The following LMTK2 variants were observed in gnomAD, a reference collection of about 807,000 sequenced individuals.
LMTK2 encodes lemur tail kinase 2.
In LMTK2, 37 loss-of-function variants were observed where a neutral mutation model predicts 127.5. That is an observed-to-expected ratio of 0.29 (90% CI 0.22 to 0.38). The LOEUF is 0.38. LMTK2 is among the 10% of genes least tolerant of loss of function. The probability of loss-of-function intolerance (pLI) is 1.00; values close to 1 mark genes in which losing one functional copy is unlikely to be tolerated. For missense variants in LMTK2, 1,694 were observed against 1,920.3 expected (o/e 0.88, Z 2.20); for synonymous variants, 819 against 810.1 (o/e 1.01, Z -0.19).
At chr7:98,156,203 A>G (rs1796922535) in intron 5 of LMTK2, among the ~76,000 whole-genome samples, 1 of 152,226 alleles carries the variant, frequency 6.6e-6, no homozygotes, top group South Asian at 2.1e-4. Flanking sequence ...GCAGTGGCTC[A>G]CGCCTGTAAT....
At chr7:98,149,971 G>A (rs1796828466) in intron 3 of LMTK2, among the ~76,000 whole-genome samples, 1 of 152,104 alleles carries the variant, frequency 6.6e-6, no homozygotes, top group Non-Finnish European at 1.5e-5. Context: ...GCAAAGATTT[G>A]CATAGATATG....
At chr7:98,177,460 C>T (rs1797294391) in intron 7 of LMTK2, among the ~76,000 whole-genome samples, 1 of 152,156 alleles carries the variant, frequency 6.6e-6, no homozygotes, top group Admixed American at 6.5e-5. Flanking sequence ...CCAGTTCACT[C>T]AAAGAATTCC....
chr7:98,178,742 C>T (rs1260811177), intron 7 of LMTK2, among the ~76,000 whole-genome samples: 3 of 152,150 alleles, frequency 2.0e-5, no homozygotes, highest in African/African-American at 7.2e-5. Context: ...CAACTTTGGC[C>T]CAAATTGTAT....
At chr7:98,150,930 A>G (rs1376481421) in intron 3 of LMTK2, among the ~76,000 whole-genome samples, 7 of 152,210 alleles carry the variant, frequency 4.6e-5, no homozygotes, top group Admixed American at 4.6e-4. Flanking sequence ...TAATGGTTTC[A>G]CAGGTGCTTA....
chr7:98,110,004 G>A (rs1301962842), intron 1 of LMTK2, among the ~76,000 whole-genome samples: 1 of 152,134 alleles, frequency 6.6e-6, no homozygotes, highest in East Asian at 1.9e-4. Flanking sequence ...TAAAGCTTCT[G>A]GTAATCTAGG....
Position 98,165,860 on chromosome 7 carries a change from G to A in LMTK2, c.658-5681G>A, listed in dbSNP as rs564686860. Among the ~76,000 whole-genome samples the A allele has an allele frequency of 1.6e-4, 24 of 152,260 alleles. No individual in the cohort carries two copies. In the South Asian group the frequency reaches 3.3e-3, roughly 21 times the overall value. ...GACACAGAGTCACGGTGGAACAGGC[G>A]TGAGGAGAGCTGGGGGCACAGGTGG... On this transcript the variant is annotated intron_variant, in intron 6 of 13. Transcript: ENST00000297293.
At chr7:98,185,767 G>A (rs1797423948) in intron 8 of LMTK2, among the ~76,000 whole-genome samples, 1 of 148,112 alleles carries the variant, frequency 6.8e-6, no homozygotes, top group South Asian at 2.1e-4. Flanking sequence ...TTGCTATATT[G>A]CCCAGGCTGT....
chr7:98,204,638 A>C (rs2116487063), intron 13 of LMTK2, among the ~76,000 whole-genome samples: 1 of 152,234 alleles, frequency 6.6e-6, no homozygotes, highest in South Asian at 2.1e-4. Flanking sequence ...AAAATAAATA[A>C]ATAAAACTGC....
chr7:98,140,059 A>C lies in LMTK2; in HGVS notation c.232-1338A>C, dbSNP rs540889526. Reference sequence around the variant, plus strand: ...TTGCGATAGCTTCCCACCGAACGTCACGTAAAAGGTTTCCACAACTTTCTT... The same window carrying C: ...TTGCGATAGCTTCCCACCGAACGTCCCGTAAAAGGTTTCCACAACTTTCTT... On this transcript the variant is annotated intron_variant, in intron 2 of 13. Transcript: ENST00000297293. Among the ~76,000 whole-genome samples, 2 of 151,818 alleles carry C rather than the reference A, an allele frequency of 1.3e-5. 1 individual carries two copies.
At chr7:98,108,876 T>G (rs1796157032) in intron 1 of LMTK2, among the ~76,000 whole-genome samples, 1 of 149,696 alleles carries the variant, frequency 6.7e-6, no homozygotes, top group African/African-American at 2.5e-5. Flanking sequence ...TTTTTTTTTT[T>G]TGAGACGGAG....
Position 98,147,527 on chromosome 7 carries a change from G to A in LMTK2, c.377-3855G>A, listed in dbSNP as rs111984142. Among the ~76,000 whole-genome samples the A allele has an allele frequency of 5.2e-3, 797 of 152,274 alleles. 4 individuals carry two copies. The highest frequency in any genetic ancestry group is 7.7e-3 in the Non-Finnish European group (523 of 67,994). Reference sequence around the variant, plus strand: ...GGCATGAGCCACTGTGCCTGGGCAAGTTTATCTTACTTGGAGTTTTTTGAG... The same window carrying A: ...GGCATGAGCCACTGTGCCTGGGCAAATTTATCTTACTTGGAGTTTTTTGAG... On this transcript the variant is annotated intron_variant, in intron 3 of 13. Transcript: ENST00000297293.
chr7:98,205,031 TAGGG>T (rs1797768494), intron 13 of LMTK2, among the ~76,000 whole-genome samples: 1 of 152,170 alleles, frequency 6.6e-6, no homozygotes, highest in Non-Finnish European at 1.5e-5. Flanking sequence ...TATCTGAACA[TAGGG>T]AGCCTTCTTT....
At chr7:98,156,466 A>C (rs80092882) in intron 5 of LMTK2, among the ~76,000 whole-genome samples, 1 of 145,246 alleles carries the variant, frequency 6.9e-6, no homozygotes, top group Admixed American at 6.9e-5. Context: ...CTCCGTCTCC[A>C]AAAAAAAAAA....
chr7:98,140,114 CTTT>C (rs1796657100), intron 2 of LMTK2, among the ~76,000 whole-genome samples: 2 of 7,502 alleles, frequency 2.7e-4, no homozygotes, highest in Non-Finnish European at 4.8e-4. Context: ...TTCTTTCTTT[CTTT>C]CTTTCTTTCT....
At chr7:98,187,104 C>A (rs1044032900) in intron 9 of LMTK2, 106 bp downstream of exon 9, 2 of 1,010,050 alleles carry the variant, frequency 2.0e-6, no homozygotes, top group African/African-American at 3.2e-5. Flanking sequence ...GATGTAGGAA[C>A]AAAAGAGTAT....
intron 1 of LMTK2, among the ~76,000 whole-genome samples, chr7:98,110,924 G>C (rs948483628): frequency 2.6e-5 from 4 of 152,194 alleles, no homozygotes; most frequent in Non-Finnish European, 5.9e-5. Flanking sequence ...TTTTGAAAAA[G>C]ATTTCTAAAG....
intron 1 of LMTK2, among the ~76,000 whole-genome samples, chr7:98,109,157 C>T (rs1465199341): frequency 1.3e-5 from 2 of 152,092 alleles, no homozygotes; most frequent in Non-Finnish European, 2.9e-5. Flanking sequence ...CCGCGCCTGG[C>T]CACCTGTACA....
intron 6 of LMTK2, among the ~76,000 whole-genome samples, chr7:98,169,340 C>T (rs181814737): frequency 6.6e-6 from 1 of 152,292 alleles, no homozygotes; most frequent in Admixed American, 6.5e-5. Flanking sequence ...GGGAAGTGGG[C>T]TATTATGGAG....
intron 7 of LMTK2, among the ~76,000 whole-genome samples, chr7:98,179,399 T>A (rs559762795): frequency 6.6e-6 from 1 of 152,272 alleles, no homozygotes; most frequent in South Asian, 2.1e-4. Flanking sequence ...GAGGGAGATG[T>A]CGGGAAGGTT....
Sources: allele counts gnomAD v4.1 joint callset (sites outside exome capture counted in the v4.1 genomes callset), GRCh38; gene constraint gnomAD v4.1.1; transcripts MANE v1.5; gene names NCBI Gene and HGNC (gene_info 2026-07-23, HGNC 2026-07-21).